The following CRYBG1 variants were observed in gnomAD, a reference collection of about 807,000 sequenced individuals.
CRYBG1 encodes the protein crystallin beta-gamma domain containing 1, also known as beta/gamma crystallin domain-containing protein 1.
In CRYBG1, 139 loss-of-function variants were observed where a neutral mutation model predicts 189.2. The observed-to-expected ratio is 0.73, with a 90% CI of 0.64 to 0.85. CRYBG1 has a LOEUF of 0.85. Ranked by LOEUF, CRYBG1 falls within the 40% of genes least tolerant of loss-of-function variation. CRYBG1 has a pLI of 0.00. For missense variants in CRYBG1, 2,611 were observed against 2,675.8 expected (o/e 0.98, Z 0.53); for synonymous variants, 1,023 against 1,017.1 (o/e 1.01, Z -0.11).
chr6:106,476,685 T>C (rs1772341373), intron 2 of CRYBG1, among the ~76,000 whole-genome samples: 1 of 152,206 alleles, frequency 6.6e-6, no homozygotes, highest in Non-Finnish European at 1.5e-5. Context: ...AAAAATAGGT[T>C]AGCTTATAGA....
intron 2 of CRYBG1, among the ~76,000 whole-genome samples, chr6:106,505,036 A>G (rs1040939900): frequency 6.7e-6 from 1 of 149,958 alleles, no homozygotes; most frequent in African/African-American, 2.4e-5. Flanking sequence ...TGCAACCTCT[A>G]CCTCCTGGGT....
Position 106,383,132 on chromosome 6 carries a change from G to T in CRYBG1, c.173+22051G>T, listed in dbSNP as rs184760792. Among the ~76,000 whole-genome samples, 245 of 152,176 alleles carry T rather than the reference G, an allele frequency of 1.6e-3. 3 individuals are homozygous for T. Among genetic ancestry groups the T allele is most frequent in the African/African-American group, 5.4e-3 (223 of 41,524 alleles). The stretch of plus-strand genomic sequence containing the variant: ...CTAGTCATGGAACCAGAATTTTAAA[G>T]ATTTTTTTAAAAGTATATGAAGATA... On this transcript the variant is annotated intron_variant, in intron 1 of 21. Transcript: ENST00000633556.
intron 1 of CRYBG1, among the ~76,000 whole-genome samples, chr6:106,399,511 C>G (rs186309254): frequency 3.6e-4 from 55 of 152,138 alleles, no homozygotes; most frequent in Admixed American, 2.4e-3. Flanking sequence ...TTTCTGGATG[C>G]GTGACATAGG....
intron 1 of CRYBG1, among the ~76,000 whole-genome samples, chr6:106,405,094 A>G (rs763968352): frequency 3.3e-5 from 5 of 152,220 alleles, no homozygotes; most frequent in South Asian, 2.1e-4. Context: ...AGCTCAGCAG[A>G]TTCCACCCCC....
intron 1 of CRYBG1, among the ~76,000 whole-genome samples, chr6:106,386,072 G>C (rs1000110818): frequency 6.6e-6 from 1 of 152,176 alleles, no homozygotes. Flanking sequence ...CAGTTTTGAA[G>C]GTTTCATGGC....
chr6:106,558,404 T>C, intron 17 of CRYBG1, 82 bp from the exon 18 acceptor site: 1 of 1,248,464 alleles, frequency 8.0e-7, no homozygotes, highest in Non-Finnish European at 1.1e-6. Flanking sequence ...TTGTGCTTTG[T>C]CCTTGTAACA....
chr6:106,539,679 A>T, intron 9 of CRYBG1, 150 bp downstream of exon 9: 2 of 846,988 alleles, frequency 2.4e-6, no homozygotes, highest in Non-Finnish European at 3.4e-6. Context: ...TCATGGAAAG[A>T]ATAACTTGCT....
intron 2 of CRYBG1, among the ~76,000 whole-genome samples, chr6:106,496,024 C>T (rs1328697608): frequency 1.3e-5 from 2 of 152,048 alleles, no homozygotes; most frequent in Non-Finnish European, 2.9e-5. Flanking sequence ...AATGTGTTCC[C>T]AGTGGGTGTT....
At chr6:106,402,694 C>A (rs1405843461) in intron 1 of CRYBG1, among the ~76,000 whole-genome samples, 1 of 151,702 alleles carries the variant, frequency 6.6e-6, no homozygotes, top group Admixed American at 6.6e-5. Flanking sequence ...CCATAAAAAC[C>A]CTAGATGAAT....
At chr6:106,364,551 G>A (rs945768787) in intron 1 of CRYBG1, among the ~76,000 whole-genome samples, 20 of 152,016 alleles carry the variant, frequency 1.3e-4, no homozygotes, top group Non-Finnish European at 2.1e-4. Flanking sequence ...GTCATATGAT[G>A]TTATTTTTCA....
chr6:106,556,864 A>G lies in CRYBG1; in HGVS notation c.5715+967A>G, dbSNP rs534872365. Among the ~76,000 whole-genome samples, 12 of 152,342 alleles carry G rather than the reference A, an allele frequency of 7.9e-5. No homozygotes were observed. In the South Asian group the frequency reaches 2.5e-3, roughly 32 times the overall value. Reference sequence around the variant, plus strand: ...CAAAGAAACATGAAATGAGGTAGTAAGATTCATTAGCTTACAAGTAATGAA... The same window carrying G: ...CAAAGAAACATGAAATGAGGTAGTAGGATTCATTAGCTTACAAGTAATGAA... On this transcript the variant is annotated intron_variant, in intron 17 of 21. Transcript: ENST00000633556.
chr6:106,485,847 A>G (rs890835298), intron 2 of CRYBG1, among the ~76,000 whole-genome samples: 1 of 152,116 alleles, frequency 6.6e-6, no homozygotes, highest in Non-Finnish European at 1.5e-5. Context: ...GATATTTTTA[A>G]TTGCTGTTGA....
rs1026675246 is a variant in CRYBG1, at chr6:106,379,826, T to C, written c.173+18745T>C. On this transcript the variant is annotated intron_variant, in intron 1 of 21. Coordinates refer to ENST00000633556, the MANE Select transcript of CRYBG1 (RefSeq NM_001371242.2). ...AACTCCTGGCCTCAAAAAATCCTCC[T>C]GCCTTGGCCTCCCAACATGCTGGGA... Among the ~76,000 whole-genome samples the C allele has an allele frequency of 3.3e-5, 5 of 151,632 alleles. No individual in the cohort carries two copies. The East Asian group carries it at 7.8e-4, about 24-fold the overall frequency.
intron 2 of CRYBG1, among the ~76,000 whole-genome samples, chr6:106,479,442 A>G (rs185946494): frequency 1.3e-5 from 2 of 152,340 alleles, no homozygotes; most frequent in East Asian, 3.9e-4. Context: ...GAGTGACACA[A>G]ACATTAGCTC....
intron 1 of CRYBG1, among the ~76,000 whole-genome samples, chr6:106,396,479 G>A (rs756953299): frequency 1.3e-5 from 2 of 152,130 alleles, no homozygotes; most frequent in Non-Finnish European, 2.9e-5. Flanking sequence ...TTCATTTCCA[G>A]CATTTCAAGG....
chr6:106,377,384 C>T, intron 1 of CRYBG1, among the ~76,000 whole-genome samples: 1 of 152,106 alleles, frequency 6.6e-6, no homozygotes, highest in African/African-American at 2.4e-5. Context: ...AAGTTAACTT[C>T]ATTCCGTTTT....
intron 2 of CRYBG1, among the ~76,000 whole-genome samples, chr6:106,499,252 A>G (rs1772942094): frequency 6.7e-6 from 1 of 150,212 alleles, no homozygotes. Context: ...TCCCGGGTTC[A>G]AGCAATTCTC....
intron 2 of CRYBG1, among the ~76,000 whole-genome samples, chr6:106,497,765 ATAAAGTAC>A (rs1772886424): frequency 6.6e-6 from 1 of 152,368 alleles, no homozygotes; most frequent in African/African-American, 2.4e-5. Context: ...CATGACTGTT[ATAAAGTAC>A]TTGGCACATG....
In CRYBG1 at chr6:106,563,801, T is replaced by G; in HGVS notation, c.6176T>G (p.Leu2059Arg). ...EDCCLTIVGS[L>R]VTSGSKLGLA... ...TGCTGCCTGACGATTGTGGGCAGCC[T>G]GGTAACATCTGGCTCCAAGCTAGGC... Residue 2059 changes from leucine (L) to arginine (R), a missense_variant, in exon 21 of 22, where the codon CTG (leucine) becomes CGG (arginine). This residue lies in a region of CRYBG1 where 1,622 missense variants were observed against 1,735.0 expected (regional missense o/e 0.93). Coordinates refer to ENST00000633556, the MANE Select transcript of CRYBG1 (RefSeq NM_001371242.2). 1 of 1,611,564 alleles carries G rather than the reference T, an allele frequency of 6.2e-7. No individual in the cohort carries two copies. The highest frequency in any genetic ancestry group is 8.5e-7 in the Non-Finnish European group (1 of 1,177,768).
Sources: allele counts gnomAD v4.1 joint callset (sites outside exome capture counted in the v4.1 genomes callset), GRCh38; gene constraint gnomAD v4.1.1; regional missense constraint gnomAD v4.1.1; transcripts MANE v1.5; gene names NCBI Gene and HGNC (gene_info 2026-07-23, HGNC 2026-07-21).